The following LIN28B variants were observed in gnomAD, a reference collection of about 807,000 sequenced individuals.
The protein encoded by LIN28B is protein lin-28 homolog B.
In LIN28B, 5 loss-of-function variants were observed where a neutral mutation model predicts 21.9. That is an observed-to-expected ratio of 0.23 (90% CI 0.12 to 0.48). The LOEUF is 0.48. Among genes scored for constraint, LIN28B ranks in the 20% least tolerant of loss-of-function variants. The pLI, the probability that LIN28B is intolerant of heterozygous loss-of-function variation, is 0.98. For synonymous variants in LIN28B, 109 were observed against 111.3 expected (o/e 0.98, Z 0.13); for missense variants, 245 against 310.5 (o/e 0.79, Z 1.58).
chr6:104,938,907 C>G (rs773201439), intron 2 of LIN28B, among the ~76,000 whole-genome samples: 1 of 151,990 alleles, frequency 6.6e-6, no homozygotes, highest in Non-Finnish European at 1.5e-5. Flanking sequence ...AGGATGAACT[C>G]TTGAGTGCTG....
At chr6:104,957,521 T>TA (rs1778308145) in intron 1 of LIN28B, among the ~76,000 whole-genome samples, 1 of 152,070 alleles carries the variant, frequency 6.6e-6, no homozygotes, top group Non-Finnish European at 1.5e-5. Flanking sequence ...TGAGTGTGAT[T>TA]AAGCGCAGTT....
At chr6:104,991,740 C>T (rs567789237) in intron 2 of LIN28B, among the ~76,000 whole-genome samples, 192 of 152,320 alleles carry the variant, frequency 1.3e-3, no homozygotes, top group Non-Finnish European at 2.5e-3. Flanking sequence ...ACTGAGTGAA[C>T]GAGACTCCGT....
intron 2 of LIN28B, among the ~76,000 whole-genome samples, chr6:105,012,714 A>G (rs554539474): frequency 1.3e-4 from 19 of 151,424 alleles, no homozygotes; most frequent in African/African-American, 4.4e-4. Context: ...TATCTGTTCT[A>G]TCATTGAAGG....
intron 2 of LIN28B, among the ~76,000 whole-genome samples, chr6:104,991,767 C>T (rs1031879302): frequency 6.6e-6 from 1 of 151,874 alleles, no homozygotes; most frequent in Non-Finnish European, 1.5e-5. Flanking sequence ...TCCCGGCACC[C>T]CAGGAGGCCG....
intron 2 of LIN28B, among the ~76,000 whole-genome samples, chr6:105,025,367 GA>G (rs1771267127): frequency 6.6e-6 from 1 of 152,166 alleles, no homozygotes; most frequent in Non-Finnish European, 1.5e-5. Context: ...TGACTTTGAT[GA>G]AAAGAGGATT....
At chr6:104,996,811 T>G (rs1422203700) in intron 2 of LIN28B, among the ~76,000 whole-genome samples, 1 of 152,116 alleles carries the variant, frequency 6.6e-6, no homozygotes, top group African/African-American at 2.4e-5. Context: ...CAAATAACTT[T>G]ATTTTTCTTA....
intron 3 of LIN28B, among the ~76,000 whole-genome samples, chr6:105,034,092 C>T (rs1340230565): frequency 6.6e-6 from 1 of 151,802 alleles, no homozygotes; most frequent in East Asian, 1.9e-4. Context: ...ACACAAAGTG[C>T]ATGGATATGT....
intron 3 of LIN28B, chr6:105,045,730 A>G (rs1771746701): frequency 6.6e-6 from 1 of 152,156 alleles, no homozygotes; most frequent in Non-Finnish European, 1.5e-5. Context: ...TGCTAAACCA[A>G]TTACTCATTA....
chr6:104,956,429 T>C (rs945899865), upstream of LIN28B, among the ~76,000 whole-genome samples: 7 of 152,186 alleles, frequency 4.6e-5, no homozygotes. Flanking sequence ...TTTTCCAAAA[T>C]GGTTTACCTA....
chr6:104,937,839 A>G (rs1438213418), intron 2 of LIN28B, among the ~76,000 whole-genome samples: 1 of 152,028 alleles, frequency 6.6e-6, no homozygotes, highest in Non-Finnish European at 1.5e-5. Context: ...ACACTACCAT[A>G]TTCTAGGAAC....
At chr6:104,987,337 T>G (rs1233118247) in intron 2 of LIN28B, among the ~76,000 whole-genome samples, 1 of 152,202 alleles carries the variant, frequency 6.6e-6, no homozygotes, top group Non-Finnish European at 1.5e-5. Context: ...ATTTTCTTAT[T>G]GATTCACATG....
chr6:104,962,049 A>T (rs1223984996), intron 2 of LIN28B, among the ~76,000 whole-genome samples: 2 of 152,146 alleles, frequency 1.3e-5, no homozygotes, highest in Non-Finnish European at 2.9e-5. Context: ...CTTACCTAAT[A>T]AGATGAAATG....
chr6:105,029,679 A>G (rs1392568183), intron 3 of LIN28B, among the ~76,000 whole-genome samples: 3 of 152,238 alleles, frequency 2.0e-5, no homozygotes, highest in African/African-American at 4.8e-5. Flanking sequence ...AAAGACCCAC[A>G]TAAGAATAGT....
At chr6:105,045,801 C>T (rs551864681) in intron 3 of LIN28B, 1 of 152,148 alleles carries the variant, frequency 6.6e-6, no homozygotes, top group African/African-American at 2.4e-5. Flanking sequence ...TTTTCAAAGT[C>T]CAGTTGGTAG....
At chr6:105,022,872 T>C (rs1771166998) in intron 2 of LIN28B, among the ~76,000 whole-genome samples, 1 of 151,884 alleles carries the variant, frequency 6.6e-6, no homozygotes, top group Non-Finnish European at 1.5e-5. Context: ...ATCCCAGCAA[T>C]AGTTAAGACC....
chr6:104,999,688 C>CT (rs904614577), intron 2 of LIN28B, among the ~76,000 whole-genome samples: 19 of 150,850 alleles, frequency 1.3e-4, no homozygotes, highest in Admixed American at 9.3e-4. Context: ...AAAGGAAGTT[C>CT]TTTTTTTTTG....
chr6:105,039,846 T>G (rs183252767), intron 3 of LIN28B, among the ~76,000 whole-genome samples: 1 of 152,258 alleles, frequency 6.6e-6, no homozygotes, highest in Non-Finnish European at 1.5e-5. Flanking sequence ...GTGTAAAGAT[T>G]TAGGGGAAAG....
chr6:105,079,633 T>C lies in LIN28B; in HGVS notation c.*850T>C, dbSNP rs370074540. 7.2e-5 allele frequency: 11 copies of C among 152,772 alleles called. No homozygotes were observed. In the East Asian group the frequency reaches 1.9e-3, roughly 27 times the overall value. The allele number at this position is 152,772 out of a possible 1,614,324, so 9.5% of individuals were successfully genotyped here. ...TCAGTAGTATTTTAATATCAGCTTCTTGTAACCTTTTCCATGTTGTGAGGG... is the reference window on the plus strand; with the variant it reads ...TCAGTAGTATTTTAATATCAGCTTCCTGTAACCTTTTCCATGTTGTGAGGG... On this transcript the variant is annotated 3_prime_UTR_variant, in exon 4 of 4. Transcript: ENST00000345080.
intron 2 of LIN28B, among the ~76,000 whole-genome samples, chr6:104,978,226 A>G (rs1039226037): frequency 6.6e-6 from 1 of 152,172 alleles, no homozygotes; most frequent in Non-Finnish European, 1.5e-5. Context: ...GTTTATCGCT[A>G]AGTCTAAAGT....
Sources: allele counts gnomAD v4.1 joint callset (sites outside exome capture counted in the v4.1 genomes callset), GRCh38; gene constraint gnomAD v4.1.1; transcripts MANE v1.5; gene names NCBI Gene and HGNC (gene_info 2026-07-23, HGNC 2026-07-21).